VWF: variants seen among roughly 807,000 people sequenced by gnomAD.
The protein encoded by VWF is Factor VIII related antigen.
VWF carries 176 observed loss-of-function variants against 308.6 expected under a neutral mutation model. The ratio of observed to expected loss-of-function variants is 0.57; its 90% CI spans 0.50 to 0.65. VWF has a LOEUF of 0.65. Among genes scored for constraint, VWF ranks in the 30% least tolerant of loss-of-function variants. The pLI, the probability that VWF is intolerant of heterozygous loss-of-function variation, is 0.00. For synonymous variants in VWF, 1,385 were observed against 1,443.4 expected (o/e 0.96, Z 0.92); for missense variants, 3,146 against 3,648.2 (o/e 0.86, Z 3.55).
intron 32 of VWF, among the ~76,000 whole-genome samples, chr12:6,013,188 C>A (rs533355119): frequency 6.6e-6 from 1 of 152,194 alleles, no homozygotes; most frequent in Non-Finnish European, 1.5e-5. Flanking sequence ...ATTCTTTTGT[C>A]CAAGATCCCT....
In VWF at chr12:6,016,714, CT is replaced by C. The variant is rs780886310; in HGVS notation, c.5170+39del. The C allele has an allele frequency of 6.8e-6, 11 of 1,614,254 alleles. No homozygotes were observed. In the South Asian group the frequency reaches 1.2e-4, roughly 18 times the overall value. ...AATCAAGTAGAGCCACAAAAAGAGC[CT>C]CTTCGTCACCTGCTGCTTCAGGTGC... On this transcript the variant is annotated intron_variant, in intron 29 of 51. Coordinates refer to ENST00000261405, the MANE Select transcript of VWF (RefSeq NM_000552.5).
intron 3 of VWF, among the ~76,000 whole-genome samples, chr12:6,115,099 T>C (rs1355821106): frequency 6.6e-6 from 1 of 152,200 alleles, no homozygotes; most frequent in African/African-American, 2.4e-5. Flanking sequence ...TGTAGTGATA[T>C]GATCACAGCT....
rs1026009927 is a variant in VWF, at chr12:5,992,170, A to G, written c.6599-152T>C. Reference sequence around the variant, plus strand: ...CTTCATCCTCCCCACCTTCCATAGAAACAGAACTTTAGGCTGGGCATATGA... The same window carrying G: ...CTTCATCCTCCCCACCTTCCATAGAGACAGAACTTTAGGCTGGGCATATGA... On this transcript the variant is annotated intron_variant, in intron 37 of 51. Transcript: ENST00000261405. 9.5e-6 allele frequency: 7 copies of G among 734,130 alleles called. No individual in the cohort carries two copies. The African/African-American group carries it at 1.2e-4, about 13-fold the overall frequency. The allele number at this position is 734,130 out of a possible 1,614,324, so 45.5% of individuals were successfully genotyped here.
rs1186975881 is a variant in VWF at position 6,063,983 on chromosome 12, T to C, written c.1432+263A>G. ...CAAATAAAAATCCTCTCGGTTCCCT[T>C]TTCCCATCTACACTCTGTCCCAGGT... On this transcript the variant is annotated intron_variant, in intron 12 of 51. Transcript: ENST00000261405. This position sits in a 1 kb window ranked among gnomAD's most constrained non-coding sequence, Gnocchi z 4.9. Among the ~76,000 whole-genome samples the C allele has an allele frequency of 6.6e-6, 1 of 151,614 alleles. No individual in the cohort carries two copies. Among genetic ancestry groups the C allele is most frequent in the African/African-American group, 2.4e-5 (1 of 41,248 alleles).
At chr12:6,111,174 G>C (rs545318736) in intron 3 of VWF, among the ~76,000 whole-genome samples, 19 of 152,134 alleles carry the variant, frequency 1.2e-4, no homozygotes, top group Non-Finnish European at 2.4e-4. Flanking sequence ...GTGACTTCTG[G>C]ATACATTGCC....
At chr12:6,090,571 G>A (rs1043095188) in intron 6 of VWF, among the ~76,000 whole-genome samples, 3 of 152,092 alleles carry the variant, frequency 2.0e-5, no homozygotes, top group Non-Finnish European at 4.4e-5. Flanking sequence ...ACACGGGACA[G>A]TGGGAGAATA....
chr12:6,117,066 C>A (rs1188789881), intron 3 of VWF, among the ~76,000 whole-genome samples: 2 of 152,122 alleles, frequency 1.3e-5, no homozygotes, highest in Non-Finnish European at 2.9e-5. Context: ...CCACCACCAA[C>A]AAGAGGCAAA....
At chr12:6,057,548 C>T (rs369410803) in intron 14 of VWF, among the ~76,000 whole-genome samples, 3 of 146,410 alleles carry the variant, frequency 2.0e-5, no homozygotes, top group East Asian at 4.0e-4. Context: ...TGGGGGCTCC[C>T]TACGTTGCCC....
rs368802960 is a variant in VWF, at chr12:5,949,879, C to T, written c.8160G>A (p.Glu2720=). 504 of 1,613,246 alleles carry T rather than the reference C, an allele frequency of 3.1e-4. No individual in the cohort carries two copies. The highest frequency in any genetic ancestry group is 4.1e-4 in the Non-Finnish European group (480 of 1,180,012). ...KIPGTCCDTC[E]EPECNDITAR... ...CAGTGATGTCGTTGCACTCAGGCTC[C>T]TCACCTACAGGACAGGTGAGAGATG... The change falls in exon 51 of 52, where the codon GAG becomes GAA. Residue 2720 remains glutamate, a synonymous_variant. Coordinates refer to ENST00000261405, the MANE Select transcript of VWF (RefSeq NM_000552.5).
In VWF at chr12:5,951,896, C is replaced by T; in HGVS notation, c.8116-13G>A. 6.2e-7 allele frequency: 1 copy of T among 1,614,108 alleles called. No individual in the cohort carries two copies. Among genetic ancestry groups the T allele is most frequent in the East Asian group, 2.2e-5 (1 of 44,870 alleles). Reference sequence around the variant, plus strand: ...TCATAATTTTACCCTAAGAAAACAGCAAAATTTCAGGTTAGGCACAAACAG... The same window carrying T: ...TCATAATTTTACCCTAAGAAAACAGTAAAATTTCAGGTTAGGCACAAACAG... On this transcript the variant is annotated splice_polypyrimidine_tract_variant and intron_variant, in intron 49 of 51. Coordinates refer to ENST00000261405, the MANE Select transcript of VWF (RefSeq NM_000552.5).
chr12:6,046,178 T>G lies in VWF; in HGVS notation c.2281+545A>C, dbSNP rs57523168. Among the ~76,000 whole-genome samples the G allele has an allele frequency of 0.039, 6,004 of 152,032 alleles. 148 individuals are homozygous for G. The highest frequency in any genetic ancestry group is 0.062 in the Middle Eastern group (18 of 292). On this transcript the variant is annotated intron_variant, in intron 17 of 51. Transcript: ENST00000261405. The surrounding 1 kb of genome is among the most constrained non-coding windows in gnomAD (Gnocchi z 5.0). ...GGCAGAGGTTGCAGTGAGCTGAGAT[T>G]GCACCACTGCACTCCAACCTGGGTG...
intron 47 of VWF, among the ~76,000 whole-genome samples, chr12:5,965,352 C>T (rs747044811): frequency 1.8e-4 from 28 of 152,174 alleles, no homozygotes; most frequent in Non-Finnish European, 3.7e-4. Context: ...CATCCATCTC[C>T]CCGTGTTTCC....
rs143024162 is a variant in VWF at position 6,025,611 on chromosome 12, G to A, written c.3191C>T (p.Thr1064Ile). ...GTTGCAGTCCTGGAAGACGTCACTG[G>A]TAAGGATTCTACAGGAGGAATCCAC... ...TMVDSSCRIL[T>I]SDVFQDCNKL... is the part of the protein sequence containing the mutation. Residue 1064 changes from threonine (T) to isoleucine (I), a missense_variant, in exon 24 of 52, where the codon ACC (threonine) becomes ATC (isoleucine). Coordinates refer to ENST00000261405, the MANE Select transcript of VWF (RefSeq NM_000552.5). 4.6e-6 allele frequency: 7 copies of A among 1,508,094 alleles called. No individual in the cohort carries two copies. Among genetic ancestry groups the A allele is most frequent in the Non-Finnish European group, 6.4e-6 (7 of 1,086,750 alleles). 93.4% of individuals were successfully genotyped at this position (1,508,094 alleles called of 1,614,324 possible). A position where few individuals can be genotyped will look rare whatever the true frequency, so the allele number is the denominator to read the frequency against.
chr12:6,064,082 G>T (rs916952979), intron 12 of VWF, among the ~76,000 whole-genome samples, 164 bp downstream of exon 12: 2 of 152,270 alleles, frequency 1.3e-5, no homozygotes, highest in South Asian at 2.1e-4. Context: ...TTCTTGGAGG[G>T]ATGCATGCCA....
intron 5 of VWF, among the ~76,000 whole-genome samples, chr12:6,106,157 T>C (rs1320601722): frequency 2.0e-5 from 3 of 152,226 alleles, no homozygotes; most frequent in South Asian, 2.1e-4. Flanking sequence ...TGTCTACTGA[T>C]GGATAAATGG....
intron 2 of VWF, among the ~76,000 whole-genome samples, chr12:6,122,473 T>A: frequency 6.6e-6 from 1 of 152,148 alleles, no homozygotes; most frequent in African/African-American, 2.4e-5. Context: ...AATCTCTAAG[T>A]GTTCTGGGTT....
chr12:6,103,411 C>CACGTGTGTGTATACACACGTGTGTGTAT (rs1321041965), intron 5 of VWF, among the ~76,000 whole-genome samples: 2 of 99,586 alleles, frequency 2.0e-5, no homozygotes, highest in Non-Finnish European at 3.4e-5. Context: ...TGTGTGTATA[C>CACGTGTGTGTATACACACGTGTGTGTAT]ACACGTGTGT....
chr12:6,022,145 A>T, intron 26 of VWF, 110 bp from the exon 27 acceptor site: 2 of 1,483,808 alleles, frequency 1.3e-6, no homozygotes, highest in African/African-American at 1.4e-5. Flanking sequence ...CTAGAAGCCA[A>T]CTCCTCCTGC....
rs548839257 is a variant in VWF, at chr12:6,056,475, C to T, written c.1945+382G>A. Among the ~76,000 whole-genome samples, 156 of 152,226 alleles carry T rather than the reference C, an allele frequency of 1.0e-3. 2 individuals carry two copies. The highest frequency in any genetic ancestry group is 1.5e-4 in the Non-Finnish European group (10 of 68,016). On this transcript the variant is annotated intron_variant, in intron 15 of 51. Coordinates refer to ENST00000261405, the MANE Select transcript of VWF (RefSeq NM_000552.5). ...GTGAATTTCCCTTGCCTTCATCGGA[C>T]TCTTAAGGGAGGCGGAGACCCAGTG...
Sources: allele counts gnomAD v4.1 joint callset (sites outside exome capture counted in the v4.1 genomes callset), GRCh38; gene constraint gnomAD v4.1.1; non-coding constraint Gnocchi (gnomAD v3.1); transcripts MANE v1.5; gene names NCBI Gene and HGNC (gene_info 2026-07-23, HGNC 2026-07-21).